Variants in PYHIN1 observed in about 807,000 individuals in gnomAD.
PYHIN1 encodes pyrin and HIN domain-containing protein 1.
PYHIN1 carries 32 observed loss-of-function variants against 43.7 expected under a neutral mutation model. That is an observed-to-expected ratio of 0.73 (90% confidence interval 0.55 to 0.98). PYHIN1 has a LOEUF of 0.98. PYHIN1 is among the 50% of genes least tolerant of loss of function. The pLI, the probability that PYHIN1 is intolerant of heterozygous loss-of-function variation, is 0.00. For missense variants in PYHIN1, 588 were observed against 589.5 expected (o/e 1.00, Z 0.03); for synonymous variants, 205 against 203.1 (o/e 1.01, Z -0.08).
At chr1:158,943,720 AC>A in intron 5 of PYHIN1, 69 bp from the exon 6 acceptor site, 1 of 1,185,806 alleles carries the variant, frequency 8.4e-7, no homozygotes, top group South Asian at 1.5e-5. Context: ...TTAATCTGTC[AC>A]AAGAGACTTT....
At chr1:158,936,055 T>A (rs1648518454) in intron 1 of PYHIN1, among the ~76,000 whole-genome samples, 1 of 152,122 alleles carries the variant, frequency 6.6e-6, no homozygotes, top group African/African-American at 2.4e-5. Flanking sequence ...GACAACTCTT[T>A]CTTTTATTAT....
chr1:158,974,922 G>T (rs1177354280), intron 8 of PYHIN1, among the ~76,000 whole-genome samples: 2 of 152,032 alleles, frequency 1.3e-5, no homozygotes, highest in Non-Finnish European at 2.9e-5. Flanking sequence ...TTCTGGAAAA[G>T]AACTTATTTT....
intron 7 of PYHIN1, among the ~76,000 whole-genome samples, chr1:158,969,926 C>A (rs1226179506): frequency 6.6e-6 from 1 of 151,930 alleles, no homozygotes; most frequent in East Asian, 1.9e-4. Flanking sequence ...TATCATGGAC[C>A]TTTTCTGCTT....
chr1:158,969,666 C>T (rs1650825257), intron 7 of PYHIN1, among the ~76,000 whole-genome samples: 2 of 151,798 alleles, frequency 1.3e-5, no homozygotes, highest in Admixed American at 1.3e-4. Context: ...TAGATGGAGC[C>T]CATTCCTGGT....
At chr1:158,981,378 G>A (rs1651477984), downstream of PYHIN1, among the ~76,000 whole-genome samples, 1 of 152,138 alleles carries the variant, frequency 6.6e-6, no homozygotes, top group Non-Finnish European at 1.5e-5. Flanking sequence ...GCCTGGGGCA[G>A]GAGAATCGCT....
At chr1:158,948,895 A>C (rs1649368031) in intron 7 of PYHIN1, among the ~76,000 whole-genome samples, 1 of 152,126 alleles carries the variant, frequency 6.6e-6, no homozygotes, top group Non-Finnish European at 1.5e-5. Context: ...GTGATACATG[A>C]GGCAAACCAA....
Position 158,973,804 on chromosome 1 carries a change from T to C in PYHIN1, c.*5+33T>C, listed in dbSNP as rs776916284. On this transcript the variant is annotated intron_variant, in intron 8 of 8. Transcript: ENST00000368140. ...CTTTCTATTTGCATTGCTGTACCTC[T>C]AAAATATAATTGTAGGGGTAATCAG... 9 of 1,609,334 alleles carry C rather than the reference T, an allele frequency of 5.6e-6. No individual in the cohort carries two copies. The East Asian group carries it at 1.1e-4, about 20-fold the overall frequency.
intron 4 of PYHIN1, among the ~76,000 whole-genome samples, chr1:158,941,504 T>C (rs944624664): frequency 6.6e-6 from 1 of 152,224 alleles, no homozygotes; most frequent in Non-Finnish European, 1.5e-5. Flanking sequence ...AGTTGTATGC[T>C]AAAAATTGCC....
At chr1:158,937,387 G>A (rs958169435) in intron 2 of PYHIN1, among the ~76,000 whole-genome samples, 18 of 152,150 alleles carry the variant, frequency 1.2e-4, no homozygotes, top group African/African-American at 4.1e-4. Context: ...TTGAGGTGCA[G>A]TAAAAGAACA....
chr1:158,971,579 C>T (rs1650935412), intron 7 of PYHIN1, among the ~76,000 whole-genome samples: 1 of 151,956 alleles, frequency 6.6e-6, no homozygotes, highest in African/African-American at 2.4e-5. Context: ...TCAGAGAGTG[C>T]TGATAGCAAA....
At chr1:158,961,852 G>C (rs963885005) in intron 7 of PYHIN1, among the ~76,000 whole-genome samples, 2 of 152,162 alleles carry the variant, frequency 1.3e-5, no homozygotes, top group African/African-American at 4.8e-5. Flanking sequence ...TCTGGCAATA[G>C]GGGAGGTCAG....
chr1:158,990,121 C>CA, the PYHIN1 span, among the ~76,000 whole-genome samples: 1 of 151,954 alleles, frequency 6.6e-6, no homozygotes, highest in Non-Finnish European at 1.5e-5. Context: ...TCAAGATGGC[C>CA]AAATTTAATT....
rs1235500659 is a variant in PYHIN1 at position 158,954,338 on chromosome 1, G to C, written c.1359+9296G>C. Reference sequence around the variant, plus strand: ...GTTGAAATGAAGGAAAAAATGTTAAGGGCAGCCAGAGAGAAAGGTCGGGTT... The same window carrying C: ...GTTGAAATGAAGGAAAAAATGTTAACGGCAGCCAGAGAGAAAGGTCGGGTT... On this transcript the variant is annotated intron_variant, in intron 7 of 8. Transcript: ENST00000368140. 1.3e-4 allele frequency among the ~76,000 whole-genome samples: 7 copies of C among 53,322 alleles called. 1 individual carries two copies. Among genetic ancestry groups the C allele is most frequent in the African/African-American group, 4.2e-4 (7 of 16,478 alleles). 35.0% of individuals were successfully genotyped at this position (53,322 alleles called of 152,430 possible). A position where few individuals can be genotyped will look rare whatever the true frequency, so the allele number is the denominator to read the frequency against.
intron 7 of PYHIN1, among the ~76,000 whole-genome samples, chr1:158,968,558 C>G (rs1008886748): frequency 6.6e-6 from 1 of 152,044 alleles, no homozygotes; most frequent in African/African-American, 2.4e-5. Context: ...GAACTTAGAA[C>G]AGAACTCCCA....
chr1:158,976,579 G>A (rs1651270727), intron 8 of PYHIN1, 122 bp from the exon 9 acceptor site: 3 of 653,268 alleles, frequency 4.6e-6, no homozygotes, highest in South Asian at 4.5e-5. Context: ...AGAAAAGAGT[G>A]CTTCAGATGG....
downstream of PYHIN1, among the ~76,000 whole-genome samples, chr1:158,981,457 G>A (rs1166338304): frequency 6.6e-6 from 1 of 152,158 alleles, no homozygotes; most frequent in Admixed American, 6.5e-5. Context: ...GGGGACAAGA[G>A]CGAGACTCTG....
downstream of PYHIN1, among the ~76,000 whole-genome samples, chr1:158,978,115 G>GC (rs1553201853): frequency 2.0e-5 from 3 of 151,998 alleles, no homozygotes; most frequent in East Asian, 3.9e-4. Flanking sequence ...AATAAATGTA[G>GC]TTTTTTTTTC....
chr1:158,958,762 AAAAG>A (rs1253959196), intron 7 of PYHIN1, among the ~76,000 whole-genome samples: 1 of 79,682 alleles, frequency 1.3e-5, no homozygotes, highest in Admixed American at 1.3e-4. Flanking sequence ...ATAATAAAAA[AAAAG>A]AAAAGAAAAA....
chr1:158,941,783 A>G (rs1290019538), intron 4 of PYHIN1, among the ~76,000 whole-genome samples, 194 bp from the exon 5 acceptor site: 1 of 152,158 alleles, frequency 6.6e-6, no homozygotes, highest in East Asian at 1.9e-4. Context: ...TTCTTTTACT[A>G]TGTGGTCTCC....
Sources: allele counts gnomAD v4.1 joint callset (sites outside exome capture counted in the v4.1 genomes callset), GRCh38; gene constraint gnomAD v4.1.1; transcripts MANE v1.5; gene names NCBI Gene and HGNC (gene_info 2026-07-23, HGNC 2026-07-21).